Variants in ASTN2 observed in about 807,000 individuals in gnomAD.
ASTN2 encodes the protein astrotactin 2.
Under a neutral mutation model 139.8 loss-of-function variants are expected in ASTN2, and 54 were observed. That is an observed-to-expected ratio of 0.39 (90% confidence interval 0.31 to 0.48). ASTN2 has a LOEUF of 0.48. Among genes scored for constraint, ASTN2 ranks in the 20% least tolerant of loss-of-function variants. The pLI, the probability that ASTN2 is intolerant of heterozygous loss-of-function variation, is 0.95. For missense variants in ASTN2, 1,565 were observed against 1,725.1 expected (o/e 0.91, Z 1.64); for synonymous variants, 756 against 719.5 (o/e 1.05, Z -0.81).
intron 1 of ASTN2, among the ~76,000 whole-genome samples, chr9:117,390,424 G>C (rs1372967766): frequency 1.3e-5 from 2 of 152,156 alleles, no homozygotes; most frequent in African/African-American, 4.8e-5. Flanking sequence ...CAAATATCCA[G>C]TAACAGATGT....
At chr9:117,137,723 A>G (rs938955373) in intron 4 of ASTN2, among the ~76,000 whole-genome samples, 1 of 150,210 alleles carries the variant, frequency 6.7e-6, no homozygotes, top group African/African-American at 2.5e-5. Flanking sequence ...TTTTTTTTTT[A>G]ATCATGAAAT....
intron 3 of ASTN2, 24 bp from the exon 4 acceptor site, chr9:117,141,502 G>A (rs1830075093): frequency 5.9e-6 from 8 of 1,363,084 alleles, no homozygotes; most frequent in Non-Finnish European, 7.8e-6. Flanking sequence ...ATGGGGCTGA[G>A]GTTAGGGCTT....
intron 11 of ASTN2, among the ~76,000 whole-genome samples, chr9:116,854,925 T>C (rs1439174121): frequency 6.6e-6 from 1 of 151,998 alleles, no homozygotes; most frequent in African/African-American, 2.4e-5. Context: ...GTGCTAGGAT[T>C]ACAGGTTTGA....
At chr9:116,924,128 G>T (rs1002336925) in intron 10 of ASTN2, among the ~76,000 whole-genome samples, 1 of 152,062 alleles carries the variant, frequency 6.6e-6, no homozygotes, top group Non-Finnish European at 1.5e-5. Flanking sequence ...GCTACTCCAG[G>T]CTAGGCACAG....
chr9:116,426,260 C>G (rs555223670), intron 22 of ASTN2, among the ~76,000 whole-genome samples, 172 bp from the exon 23 acceptor site: 1 of 152,260 alleles, frequency 6.6e-6, no homozygotes, highest in Admixed American at 6.5e-5. Context: ...TAGAACCTAT[C>G]TTCTTCAATT....
chr9:117,255,279 G>A (rs1444528070), intron 2 of ASTN2, among the ~76,000 whole-genome samples: 1 of 152,196 alleles, frequency 6.6e-6, no homozygotes, highest in Non-Finnish European at 1.5e-5. Context: ...CTGTATGTCA[G>A]GTCTTGAACT....
At chr9:117,118,745 G>A (rs567725231) in intron 4 of ASTN2, among the ~76,000 whole-genome samples, 17 of 152,038 alleles carry the variant, frequency 1.1e-4, no homozygotes, top group African/African-American at 3.9e-4. Flanking sequence ...ACTCACCCTG[G>A]TCTTCCTGCA....
chr9:117,352,509 T>A (rs1190029946), intron 1 of ASTN2, among the ~76,000 whole-genome samples: 2 of 152,154 alleles, frequency 1.3e-5, no homozygotes, highest in Non-Finnish European at 2.9e-5. Flanking sequence ...GGCCAACAGT[T>A]GTTGAGCTTC....
intron 1 of ASTN2, among the ~76,000 whole-genome samples, chr9:117,378,037 C>T (rs1023795692): frequency 3.3e-5 from 5 of 152,168 alleles, no homozygotes; most frequent in African/African-American, 1.2e-4. Context: ...TTCTACCCCA[C>T]ATGATTTTGT....
intron 4 of ASTN2, among the ~76,000 whole-genome samples, chr9:117,116,925 C>T (rs1351067459): frequency 6.8e-6 from 1 of 146,612 alleles, no homozygotes; most frequent in Non-Finnish European, 1.5e-5. Flanking sequence ...GCAGAATGTC[C>T]TATTACTGAT....
intron 1 of ASTN2, among the ~76,000 whole-genome samples, chr9:117,369,772 T>G (rs1829940951): frequency 6.6e-6 from 1 of 152,140 alleles, no homozygotes; most frequent in Non-Finnish European, 1.5e-5. Context: ...GTTCTTCTAC[T>G]GAGGCAGGAA....
intron 19 of ASTN2, among the ~76,000 whole-genome samples, chr9:116,547,931 C>T (rs1211697238): frequency 1.3e-5 from 2 of 152,110 alleles, no homozygotes; most frequent in African/African-American, 4.8e-5. Flanking sequence ...TCTGAGGCAG[C>T]AGCTGCGGGA....
intron 10 of ASTN2, among the ~76,000 whole-genome samples, chr9:116,956,606 C>T (rs927619293): frequency 4.0e-5 from 6 of 151,564 alleles, no homozygotes; most frequent in South Asian, 2.1e-4. Context: ...AAAGACATTC[C>T]GATTGAAAAA....
At chr9:116,866,082 T>C (rs1833007061) in intron 10 of ASTN2, among the ~76,000 whole-genome samples, 1 of 152,182 alleles carries the variant, frequency 6.6e-6, no homozygotes, top group Non-Finnish European at 1.5e-5. Flanking sequence ...AGTGGCTAAA[T>C]CTTTTAACTT....
At chr9:117,095,625 G>T (rs1331373973) in intron 5 of ASTN2, among the ~76,000 whole-genome samples, 1 of 152,148 alleles carries the variant, frequency 6.6e-6, no homozygotes, top group African/African-American at 2.4e-5. Context: ...CACTTTGGCT[G>T]CCGGGAATTT....
At chr9:116,625,954 ACTT>A (rs1856430843) in intron 17 of ASTN2, among the ~76,000 whole-genome samples, 1 of 151,606 alleles carries the variant, frequency 6.6e-6, no homozygotes, top group South Asian at 2.1e-4. Context: ...CAAACTGTGA[ACTT>A]CTCCATGGCA....
chr9:116,498,595 C>G (rs1287008028), intron 19 of ASTN2, among the ~76,000 whole-genome samples: 1 of 147,210 alleles, frequency 6.8e-6, no homozygotes, highest in Non-Finnish European at 1.5e-5. Context: ...GAGACCCTAC[C>G]TCAAAAAAAA....
intron 10 of ASTN2, among the ~76,000 whole-genome samples, chr9:116,928,699 G>A (rs182521897): frequency 5.3e-4 from 80 of 151,910 alleles, no homozygotes; most frequent in African/African-American, 1.8e-3. Flanking sequence ...GAAAGGCAAA[G>A]ACTTGTGGAG....
At chr9:116,827,344 T>C (rs1417121169) in intron 11 of ASTN2, among the ~76,000 whole-genome samples, 1 of 114,116 alleles carries the variant, frequency 8.8e-6, no homozygotes, top group Non-Finnish European at 1.9e-5. Context: ...GAACTAGAAA[T>C]ACAAGAACAA....
Sources: allele counts gnomAD v4.1 joint callset (sites outside exome capture counted in the v4.1 genomes callset), GRCh38; gene constraint gnomAD v4.1.1; transcripts MANE v1.5; gene names NCBI Gene and HGNC (gene_info 2026-07-23, HGNC 2026-07-21).